Variants in AGBL1 observed in about 807,000 individuals in gnomAD.
AGBL1 encodes the protein cytosolic carboxypeptidase 4.
A neutral mutation model predicts 118.9 loss-of-function variants in AGBL1; 130 were observed. That is an observed-to-expected ratio of 1.09 (90% CI 0.95 to 1.26). The LOEUF (loss-of-function observed/expected upper bound fraction) is 1.26. Among genes scored for constraint, AGBL1 ranks in the 50% most tolerant of loss-of-function variants. The pLI, the probability that AGBL1 is intolerant of heterozygous loss-of-function variation, is 0.00. For missense variants in AGBL1, 1,584 were observed against 1,298.1 expected (o/e 1.22, Z -3.38); for synonymous variants, 555 against 478.9 (o/e 1.16, Z -2.08).
chr15:86,926,463 A>G (rs1313124131), intron 23 of AGBL1, among the ~76,000 whole-genome samples: 1 of 152,170 alleles, frequency 6.6e-6, no homozygotes, highest in Non-Finnish European at 1.5e-5. Context: ...GACTCCATAC[A>G]AATAGGTCAT....
chr15:86,784,866 G>A (rs770069605), intron 22 of AGBL1, among the ~76,000 whole-genome samples: 1 of 152,094 alleles, frequency 6.6e-6, no homozygotes, highest in Non-Finnish European at 1.5e-5. Context: ...CATTGGAACA[G>A]ATAATCTTTG....
intron 21 of AGBL1, among the ~76,000 whole-genome samples, chr15:86,574,570 A>ATTTTTTTTTTTT (rs776642678): frequency 7.2e-5 from 6 of 83,758 alleles, no homozygotes; most frequent in South Asian, 4.7e-4. Context: ...AAAAGTTTTA[A>ATTTTTTTTTTTT]TTTTTTTTTT....
chr15:86,927,516 G>A (rs1274456494), intron 23 of AGBL1, among the ~76,000 whole-genome samples: 3 of 152,138 alleles, frequency 2.0e-5, no homozygotes, highest in African/African-American at 4.8e-5. Context: ...GAGCCCAGGA[G>A]TTCCAGGCTG....
intron 22 of AGBL1, among the ~76,000 whole-genome samples, chr15:86,869,427 G>A (rs1483419851): frequency 6.6e-6 from 1 of 152,020 alleles, no homozygotes; most frequent in Non-Finnish European, 1.5e-5. Flanking sequence ...TCAGGGCTTT[G>A]GTTTCCTTCC....
intron 18 of AGBL1, among the ~76,000 whole-genome samples, chr15:86,478,296 C>T (rs987674508): frequency 3.3e-5 from 5 of 152,194 alleles, no homozygotes; most frequent in Admixed American, 2.0e-4. Flanking sequence ...CAAATTGTTG[C>T]TGTTTGCAGA....
intron 19 of AGBL1, among the ~76,000 whole-genome samples, chr15:86,531,859 C>T (rs1446629830): frequency 6.8e-6 from 1 of 146,496 alleles, no homozygotes; most frequent in Non-Finnish European, 1.5e-5. Context: ...AAGACAAAAA[C>T]CACATGATTA....
At chr15:86,422,329 A>AG (rs1299078114) in intron 18 of AGBL1, among the ~76,000 whole-genome samples, 7 of 152,200 alleles carry the variant, frequency 4.6e-5, no homozygotes, top group Non-Finnish European at 1.0e-4. Context: ...AAACTGAACA[A>AG]CCTGCTCCTG....
chr15:86,967,541 T>C (rs559022028), intron 23 of AGBL1, among the ~76,000 whole-genome samples: 1 of 152,212 alleles, frequency 6.6e-6, no homozygotes, highest in South Asian at 2.1e-4. Context: ...GCTTTCTACA[T>C]ATGGCTAGCC....
At chr15:86,226,465 G>T (rs909737331) in intron 6 of AGBL1, among the ~76,000 whole-genome samples, 1 of 152,178 alleles carries the variant, frequency 6.6e-6, no homozygotes, top group Non-Finnish European at 1.5e-5. Flanking sequence ...GCTGAGTAAG[G>T]CTGGCTTACT....
chr15:86,460,727 G>A (rs149129815), intron 18 of AGBL1, among the ~76,000 whole-genome samples: 1 of 152,238 alleles, frequency 6.6e-6, no homozygotes, highest in Non-Finnish European at 1.5e-5. Context: ...AGAATTAATT[G>A]GCCTTCCTTG....
intron 22 of AGBL1, among the ~76,000 whole-genome samples, chr15:86,877,444 G>A (rs1212417818): frequency 1.3e-5 from 2 of 152,164 alleles, no homozygotes; most frequent in Non-Finnish European, 2.9e-5. Context: ...ATTAAGTTGT[G>A]TTCTTGGAGA....
chr15:86,161,383 G>A (rs2077265007), intron 5 of AGBL1, among the ~76,000 whole-genome samples: 1 of 152,182 alleles, frequency 6.6e-6, no homozygotes, highest in South Asian at 2.1e-4. Context: ...CAAGGCGGGT[G>A]CTATTATTGC....
At chr15:86,484,907 T>C (rs982393087) in intron 18 of AGBL1, among the ~76,000 whole-genome samples, 1 of 152,192 alleles carries the variant, frequency 6.6e-6, no homozygotes, top group South Asian at 2.1e-4. Context: ...TGTTCCACTC[T>C]GTTTTACCTT....
chr15:86,128,686 A>C (rs1044114365), intron 1 of AGBL1, among the ~76,000 whole-genome samples: 2 of 152,132 alleles, frequency 1.3e-5, no homozygotes, highest in Non-Finnish European at 2.9e-5. Context: ...ATGCTAACTT[A>C]CCTATGTTCC....
chr15:86,577,040 G>A (rs2084101578), intron 21 of AGBL1, among the ~76,000 whole-genome samples: 2 of 152,226 alleles, frequency 1.3e-5, no homozygotes, highest in South Asian at 4.1e-4. Context: ...AAATGTGGAA[G>A]TGACTTTGGA....
intron 23 of AGBL1, among the ~76,000 whole-genome samples, chr15:86,983,750 G>A (rs2081253866): frequency 6.6e-6 from 1 of 152,144 alleles, no homozygotes; most frequent in Admixed American, 6.5e-5. Flanking sequence ...ATATAGGTTA[G>A]TCTTCAGTGT....
intron 5 of AGBL1, among the ~76,000 whole-genome samples, chr15:86,177,685 A>G (rs1175033625): frequency 6.6e-6 from 1 of 152,210 alleles, no homozygotes; most frequent in East Asian, 1.9e-4. Context: ...ATGTACTTCT[A>G]AAGGAACTAT....
intron 21 of AGBL1, among the ~76,000 whole-genome samples, chr15:86,624,686 C>A (rs1310003649): frequency 6.6e-6 from 1 of 152,180 alleles, no homozygotes; most frequent in African/African-American, 2.4e-5. Context: ...CCCTTTCTTC[C>A]CCAGCAAATG....
At chr15:86,322,993 C>G (rs961714309) in intron 17 of AGBL1, among the ~76,000 whole-genome samples, 1 of 152,092 alleles carries the variant, frequency 6.6e-6, no homozygotes, top group African/African-American at 2.4e-5. Flanking sequence ...GGCTGTTTCT[C>G]CTATTTCCTG....
Sources: allele counts gnomAD v4.1 joint callset (sites outside exome capture counted in the v4.1 genomes callset), GRCh38; gene constraint gnomAD v4.1.1; transcripts MANE v1.5; gene names NCBI Gene and HGNC (gene_info 2026-07-23, HGNC 2026-07-21).